The following ZNF521 variants were observed in gnomAD, a reference collection of about 807,000 sequenced individuals.
ZNF521 encodes zinc finger protein 521.
A neutral mutation model predicts 105.5 loss-of-function variants in ZNF521; 14 were observed. That is an observed-to-expected ratio of 0.13 (90% confidence interval 0.09 to 0.21). The LOEUF is 0.21. Among genes scored for constraint, ZNF521 ranks in the 10% least tolerant of loss-of-function variants. The pLI is 1.00. For missense variants in ZNF521, 1,233 were observed against 1,629.7 expected (o/e 0.76, Z 4.19); for synonymous variants, 635 against 606.0 (o/e 1.05, Z -0.70).
chr18:25,183,314 A>T (rs2035664546), intron 5 of ZNF521, among the ~76,000 whole-genome samples: 1 of 152,222 alleles, frequency 6.6e-6, no homozygotes, highest in Non-Finnish European at 1.5e-5. Context: ...GACAGCTTAA[A>T]ATAATCACAA....
intron 2 of ZNF521, among the ~76,000 whole-genome samples, chr18:25,348,859 T>C (rs1392254108): frequency 1.3e-5 from 2 of 152,140 alleles, no homozygotes; most frequent in Non-Finnish European, 2.9e-5. Context: ...GCCCAGCGAA[T>C]ACCGTCAACT....
At chr18:25,281,237 A>C (rs1910361434) in intron 3 of ZNF521, among the ~76,000 whole-genome samples, 1 of 152,222 alleles carries the variant, frequency 6.6e-6, no homozygotes, top group African/African-American at 2.4e-5. Context: ...CAAAGCAAGA[A>C]GCAATCTCAA....
At chr18:25,179,603 AG>A (rs1338895230) in intron 5 of ZNF521, among the ~76,000 whole-genome samples, 1 of 152,228 alleles carries the variant, frequency 6.6e-6, no homozygotes. Flanking sequence ...ATTTAACCAC[AG>A]GAAACTCTTC....
chr18:25,311,790 T>C (rs979552097), intron 3 of ZNF521, among the ~76,000 whole-genome samples: 1 of 152,196 alleles, frequency 6.6e-6, no homozygotes, highest in Non-Finnish European at 1.5e-5. Flanking sequence ...AGTTAGATCA[T>C]TATATATTCA....
intron 5 of ZNF521, among the ~76,000 whole-genome samples, chr18:25,150,385 C>G (rs2035024147): frequency 6.6e-6 from 1 of 152,114 alleles, no homozygotes; most frequent in Admixed American, 6.6e-5. Flanking sequence ...CCCTAAAGAA[C>G]TTACTCACGT....
At chr18:25,154,945 T>C (rs1480180176) in intron 5 of ZNF521, among the ~76,000 whole-genome samples, 1 of 152,180 alleles carries the variant, frequency 6.6e-6, no homozygotes, top group Non-Finnish European at 1.5e-5. Context: ...ACTTCTATTT[T>C]TTATTTCTTT....
intron 3 of ZNF521, among the ~76,000 whole-genome samples, chr18:25,288,470 C>T (rs1033220200): frequency 1.3e-5 from 2 of 151,762 alleles, no homozygotes; most frequent in Non-Finnish European, 2.9e-5. Context: ...GGGAAATTCG[C>T]TTTCCAGATC....
At chr18:25,197,574 C>T (rs2035923905) in intron 4 of ZNF521, among the ~76,000 whole-genome samples, 1 of 151,810 alleles carries the variant, frequency 6.6e-6, no homozygotes, top group Non-Finnish European at 1.5e-5. Context: ...ATTATAACCT[C>T]TGAACAGTGT....
Position 25,324,649 on chromosome 18 carries a change from A to C in ZNF521, c.41-2462T>G, listed in dbSNP as rs183006707. ...CAGGGAAATGTCGCTGTTAGGTCTG[A>C]TTTTTAATATGATTATTTAAATGCT... On this transcript the variant is annotated intron_variant, in intron 2 of 7. Transcript: ENST00000361524. Among the ~76,000 whole-genome samples the C allele has an allele frequency of 4.6e-5, 7 of 152,284 alleles. No individual in the cohort carries two copies. In the East Asian group the frequency reaches 1.2e-3, roughly 25 times the overall value.
chr18:25,227,631 T>A lies in ZNF521; in HGVS notation c.287A>T (p.Gln96Leu). 6.2e-7 allele frequency: 1 copy of A among 1,614,122 alleles called. No homozygotes were observed. ...WPASSPSSKD[Q>L]TSPSHGEGCD... is the part of the protein sequence containing the mutation. ...ACCTTCTCCATGGCTAGGGGAAGTC[T>A]GATCCTTGCTAGAAGGTGAGGAAGC... Residue 96 changes from glutamine (Q) to leucine (L), a missense_variant, in exon 4 of 8, where the codon CAG (glutamine) becomes CTG (leucine). Physicochemically the swap from Gln to Leu is moderately radical, Grantham distance 113. Transcript: ENST00000361524. This position sits in a 1 kb window ranked among gnomAD's most constrained non-coding sequence, Gnocchi z 5.7.
intron 4 of ZNF521, among the ~76,000 whole-genome samples, chr18:25,218,254 G>T (rs1905461375): frequency 6.6e-6 from 1 of 152,062 alleles, no homozygotes; most frequent in African/African-American, 2.4e-5. Flanking sequence ...ATTTGAAAAT[G>T]ATGAGACTCA....
At chr18:25,155,134 T>G (rs189292036) in intron 5 of ZNF521, among the ~76,000 whole-genome samples, 3 of 152,298 alleles carry the variant, frequency 2.0e-5, no homozygotes, top group Non-Finnish European at 4.4e-5. Context: ...TTTCCTTGAT[T>G]AGTGATGTTG....
At chr18:25,340,537 A>G (rs979246395) in intron 2 of ZNF521, among the ~76,000 whole-genome samples, 3 of 152,192 alleles carry the variant, frequency 2.0e-5, no homozygotes, top group Non-Finnish European at 4.4e-5. Flanking sequence ...TCCATCAGCT[A>G]TAACTCAGTC....
intron 2 of ZNF521, among the ~76,000 whole-genome samples, chr18:25,350,156 C>T (rs1011284824): frequency 2.6e-5 from 4 of 152,172 alleles, no homozygotes; most frequent in Admixed American, 6.5e-5. Context: ...CCCAAAATCC[C>T]GCACGCACGC....
At chr18:25,341,744 A>T (rs1465889702) in intron 2 of ZNF521, among the ~76,000 whole-genome samples, 2 of 152,238 alleles carry the variant, frequency 1.3e-5, no homozygotes, top group Non-Finnish European at 2.9e-5. Context: ...TTAACATACC[A>T]TACACACGTA....
intron 7 of ZNF521, among the ~76,000 whole-genome samples, chr18:25,085,501 G>A (rs2033600976): frequency 6.6e-6 from 1 of 151,850 alleles, no homozygotes; most frequent in African/African-American, 2.4e-5. Context: ...GATGAACAAT[G>A]TATAGTGAAG....
intron 5 of ZNF521, among the ~76,000 whole-genome samples, chr18:25,174,374 A>T (rs1017370275): frequency 7.9e-5 from 12 of 152,294 alleles, no homozygotes; most frequent in African/African-American, 2.9e-4. Context: ...GGAAATTCAT[A>T]TCAAAAAATC....
intron 3 of ZNF521, among the ~76,000 whole-genome samples, chr18:25,283,929 C>A (rs534256161): frequency 6.3e-5 from 9 of 142,302 alleles, no homozygotes; most frequent in South Asian, 2.5e-4. Flanking sequence ...CTTTCCCCCC[C>A]CCCCAAAAAA....
At position 25,322,033 on chromosome 18, in the gene ZNF521, G is replaced by A. The variant is rs139443207; in HGVS notation, c.195C>T (p.His65=). ...CTGTCAGTTGACATTGATTAATCTT[G>A]TGTTCTGTGATATCGCTCAGCGATT... is the stretch of plus-strand genomic sequence containing the variant. ...VFESLSDITE[H]KINQCQLTDG... is the part of the protein sequence containing the mutation. Residue 65 remains histidine, a synonymous_variant, in exon 3 of 8, where the codon CAC becomes CAT. Coordinates refer to ENST00000361524, the MANE Select transcript of ZNF521 (RefSeq NM_015461.3). 2 of 1,614,178 alleles carry A rather than the reference G, an allele frequency of 1.2e-6. No homozygotes were observed. Among genetic ancestry groups the A allele is most frequent in the Non-Finnish European group, 1.7e-6 (2 of 1,180,030 alleles).
Sources: gnomAD v4.1 joint callset for allele counts (sites outside exome capture counted in the v4.1 genomes callset) on GRCh38, gnomAD v4.1.1 for gene constraint, Gnocchi (gnomAD v3.1) non-coding constraint, MANE v1.5 for transcripts, NCBI Gene and HGNC (gene_info 2026-07-23, HGNC 2026-07-21) for gene names.